The following IMMP2L variants were observed in gnomAD, a reference collection of about 807,000 sequenced individuals.
IMMP2L encodes the protein mitochondrial inner membrane protease subunit 2.
IMMP2L carries 18 observed loss-of-function variants against 19.3 expected under a neutral mutation model. The observed-to-expected ratio is 0.93, with a 90% CI of 0.64 to 1.38. The LOEUF (loss-of-function observed/expected upper bound fraction) is 1.38. IMMP2L is among the 40% of genes most tolerant of loss of function. IMMP2L has a pLI of 0.00. For synonymous variants in IMMP2L, 76 were observed against 73.0 expected (o/e 1.04, Z -0.21); for missense variants, 233 against 218.2 (o/e 1.07, Z -0.43).
At chr7:111,506,011 C>A (rs568024074) in intron 2 of IMMP2L, among the ~76,000 whole-genome samples, 1 of 151,808 alleles carries the variant, frequency 6.6e-6, no homozygotes, top group Non-Finnish European at 1.5e-5. Context: ...GCCAGGCTCA[C>A]ACCTGTAACC....
At chr7:111,037,187 C>T (rs554991802) in intron 3 of IMMP2L, among the ~76,000 whole-genome samples, 1 of 152,080 alleles carries the variant, frequency 6.6e-6, no homozygotes, top group East Asian at 1.9e-4. Context: ...ACTTAAAATG[C>T]TAAGATTCTT....
chr7:110,874,372 G>A (rs799631), intron 5 of IMMP2L, among the ~76,000 whole-genome samples: 3,778 of 151,834 alleles, frequency 0.025, 157 homozygotes, highest in African/African-American at 0.085. Context: ...TTCATAATCC[G>A]TCTTATGATC....
At chr7:111,426,638 T>A (rs1392833707) in intron 3 of IMMP2L, among the ~76,000 whole-genome samples, 1 of 151,352 alleles carries the variant, frequency 6.6e-6, no homozygotes, top group Non-Finnish European at 1.5e-5. Flanking sequence ...ACTTTAAATA[T>A]GTTATGTTGT....
At chr7:111,483,623 T>G (rs1177169879) in intron 3 of IMMP2L, 2 of 152,090 alleles carry the variant, frequency 1.3e-5, no homozygotes, top group African/African-American at 4.8e-5. Context: ...TGCACCCACC[T>G]CCCTCTGCCA....
chr7:111,318,883 C>T (rs914183422), intron 3 of IMMP2L, among the ~76,000 whole-genome samples: 2 of 152,038 alleles, frequency 1.3e-5, no homozygotes, highest in African/African-American at 4.8e-5. Flanking sequence ...CATCATGATT[C>T]GACCATTAGC....
Position 111,408,907 on chromosome 7 carries a change from C to T in IMMP2L, c.239+78331G>A, listed in dbSNP as rs190288210. On this transcript the variant is annotated intron_variant, in intron 3 of 5. Transcript: ENST00000405709. ...AGATATGTAACTAAAACCACATTCA[C>T]CTTCAATTCCTTTGCAGACTAGCAC... Among the ~76,000 whole-genome samples the T allele has an allele frequency of 6.6e-5, 10 of 151,684 alleles. No individual in the cohort carries two copies. The East Asian group carries it at 1.9e-3, about 29-fold the overall frequency.
rs186751614 is a variant in IMMP2L, at chr7:110,894,414, T to C, written c.306-7719A>G. On this transcript the variant is annotated intron_variant, in intron 4 of 5. Transcript: ENST00000405709. Reference sequence around the variant, plus strand: ...ACCAGCACTTGATATTATCATTCTTTCCATTTTAGCCATTTTAGGGGCATA... The same window carrying C: ...ACCAGCACTTGATATTATCATTCTTCCCATTTTAGCCATTTTAGGGGCATA... 3.9e-5 allele frequency among the ~76,000 whole-genome samples: 6 copies of C among 152,308 alleles called. No individual in the cohort carries two copies. In the East Asian group the frequency reaches 1.2e-3, roughly 29 times the overall value.
rs1164943934 is a variant in IMMP2L, at chr7:110,760,204, C to A, written c.409-96483G>T. 6.6e-6 allele frequency among the ~76,000 whole-genome samples: 1 copy of A among 152,064 alleles called. No individual in the cohort carries two copies. The highest frequency in any genetic ancestry group is 1.5e-5 in the Non-Finnish European group (1 of 68,018). On this transcript the variant is annotated intron_variant, in intron 5 of 5. Transcript: ENST00000405709. This position sits in a 1 kb window ranked among gnomAD's most constrained non-coding sequence, Gnocchi z 4.2. ...TCAGTCTCAATTCTCCACGTCCAGG[C>A]CTAAGATAGTATCATTCCCTTTCTA...
intron 3 of IMMP2L, among the ~76,000 whole-genome samples, chr7:111,118,521 T>C (rs1800167778): frequency 1.3e-5 from 2 of 152,086 alleles, no homozygotes; most frequent in East Asian, 1.9e-4. Flanking sequence ...CATTTATTTG[T>C]TGTGTGGTAT....
At chr7:111,380,916 G>A (rs530840896) in intron 3 of IMMP2L, among the ~76,000 whole-genome samples, 9 of 152,126 alleles carry the variant, frequency 5.9e-5, no homozygotes, top group Admixed American at 2.0e-4. Flanking sequence ...AGGTACCTGA[G>A]TTGATTCTAA....
chr7:110,670,347 G>A (rs984526108), intron 5 of IMMP2L, among the ~76,000 whole-genome samples: 3 of 152,122 alleles, frequency 2.0e-5, no homozygotes, highest in African/African-American at 4.8e-5. Context: ...CACAATCTGC[G>A]GTATTTTGTT....
At chr7:111,230,440 T>TA (rs1813589805) in intron 3 of IMMP2L, among the ~76,000 whole-genome samples, 1 of 152,094 alleles carries the variant, frequency 6.6e-6, no homozygotes. Flanking sequence ...ATGAAATACT[T>TA]AGTTTACTCC....
intron 5 of IMMP2L, among the ~76,000 whole-genome samples, chr7:110,699,973 G>A (rs920067070): frequency 6.6e-6 from 1 of 152,040 alleles, no homozygotes. Flanking sequence ...CTCTTATACA[G>A]TCCATAGCCC....
chr7:111,372,235 A>G (rs1225604722), intron 3 of IMMP2L, among the ~76,000 whole-genome samples: 1 of 152,054 alleles, frequency 6.6e-6, no homozygotes, highest in East Asian at 1.9e-4. Flanking sequence ...AAAACATCTC[A>G]TGTATCCCAT....
chr7:111,481,650 A>T (rs913466605), intron 3 of IMMP2L, among the ~76,000 whole-genome samples: 5 of 150,798 alleles, frequency 3.3e-5, no homozygotes, highest in Non-Finnish European at 4.4e-5. Flanking sequence ...CTGCCTTTGG[A>T]CCTGATCACT....
rs115234250 is a variant in IMMP2L at position 110,883,203 on chromosome 7, G to A, written c.408+3390C>T. 2.1e-3 allele frequency among the ~76,000 whole-genome samples: 323 copies of A among 152,078 alleles called. 2 individuals carry two copies. The highest frequency in any genetic ancestry group is 7.0e-3 in the African/African-American group (292 of 41,512). ...TTTACTTTTCACTGGTTTTTAAAACGTGAAAAATTTTTTGTACTTCATAAA... is the reference window on the plus strand; with the variant it reads ...TTTACTTTTCACTGGTTTTTAAAACATGAAAAATTTTTTGTACTTCATAAA... On this transcript the variant is annotated intron_variant, in intron 5 of 5. Coordinates refer to ENST00000405709, the MANE Select transcript of IMMP2L (RefSeq NM_032549.4).
intron 3 of IMMP2L, among the ~76,000 whole-genome samples, chr7:111,417,668 C>T (rs1288727072): frequency 1.3e-5 from 2 of 151,796 alleles, no homozygotes; most frequent in African/African-American, 4.9e-5. Flanking sequence ...GAAATTTATA[C>T]AGCCAGAAGC....
intron 3 of IMMP2L, among the ~76,000 whole-genome samples, chr7:111,235,771 A>G (rs1814236909): frequency 6.6e-6 from 1 of 152,018 alleles, no homozygotes. Flanking sequence ...ATTTCAGTCT[A>G]AAACTCTCCC....
At chr7:110,819,144 T>A (rs1436163877) in intron 5 of IMMP2L, among the ~76,000 whole-genome samples, 2 of 151,848 alleles carry the variant, frequency 1.3e-5, no homozygotes, top group African/African-American at 4.8e-5. Flanking sequence ...AAAAATCAGT[T>A]CTGACTGGAG....
Sources: allele counts gnomAD v4.1 joint callset (sites outside exome capture counted in the v4.1 genomes callset), GRCh38; gene constraint gnomAD v4.1.1; non-coding constraint Gnocchi (gnomAD v3.1); transcripts MANE v1.5; gene names NCBI Gene and HGNC (gene_info 2026-07-23, HGNC 2026-07-21).